The following CNST variants were observed in gnomAD, a reference collection of about 807,000 sequenced individuals.
CNST encodes consortin.
CNST carries 39 observed loss-of-function variants against 72.4 expected under a neutral mutation model. The observed-to-expected ratio is 0.54, with a 90% confidence interval of 0.42 to 0.70. CNST has a LOEUF of 0.70. Ranked by LOEUF, CNST falls within the 30% of genes least tolerant of loss-of-function variation. CNST has a pLI of 0.00. For synonymous variants in CNST, 332 were observed against 320.1 expected (o/e 1.04, Z -0.40); for missense variants, 871 against 868.5 (o/e 1.00, Z -0.04).
chr1:246,646,360 C>T (rs2103131117), intron 8 of CNST, among the ~76,000 whole-genome samples: 1 of 151,466 alleles, frequency 6.6e-6, no homozygotes, highest in East Asian at 1.9e-4. Context: ...TTGAAGAGAA[C>T]CGAGTTTGTT....
At chr1:246,599,735 A>G (rs963984024) in intron 2 of CNST, among the ~76,000 whole-genome samples, 1 of 152,224 alleles carries the variant, frequency 6.6e-6, no homozygotes, top group South Asian at 2.1e-4. Context: ...GGGAGCTGTT[A>G]TTCTGCCTAC....
chr1:246,634,816 C>T (rs1447315516), intron 6 of CNST, among the ~76,000 whole-genome samples: 1 of 152,216 alleles, frequency 6.6e-6, no homozygotes, highest in Non-Finnish European at 1.5e-5. Context: ...TGGGTGCAGA[C>T]GGGCTGAGGC....
chr1:246,566,815 C>A (rs976870969), intron 1 of CNST, 152 bp downstream of exon 1: 7 of 397,208 alleles, frequency 1.8e-5, no homozygotes, highest in African/African-American at 4.1e-5. Context: ...GTCCCCTTAC[C>A]TCCTCCGCCT....
rs764815293 is a variant in CNST, at chr1:246,648,059, A to G, written c.1836+22A>G. On this transcript the variant is annotated intron_variant, in intron 9 of 10. Transcript: ENST00000366513. ...AGAGGTAAATCAGAGATGAAGTACA[A>G]TTAAAAGTAAAATGGCATTTAAAAA... 17 of 1,570,600 alleles carry G rather than the reference A, an allele frequency of 1.1e-5. No homozygotes were observed. In the Admixed American group the frequency reaches 2.2e-4, roughly 20 times the overall value.
intron 1 of CNST, among the ~76,000 whole-genome samples, chr1:246,584,509 T>A (rs890900540): frequency 6.6e-6 from 1 of 152,044 alleles, no homozygotes; most frequent in African/African-American, 2.4e-5. Context: ...ATGAAAAAAA[T>A]TCCAGCGTAG....
At chr1:246,641,612 G>A in intron 6 of CNST, 137 bp from the exon 7 acceptor site, 1 of 610,564 alleles carries the variant, frequency 1.6e-6, no homozygotes, top group Non-Finnish European at 2.9e-6. Flanking sequence ...TAATGTTTCA[G>A]CCGTGGAAAT....
intron 2 of CNST, among the ~76,000 whole-genome samples, chr1:246,599,273 C>T (rs1295908063): frequency 6.6e-6 from 1 of 151,904 alleles, no homozygotes; most frequent in Non-Finnish European, 1.5e-5. Flanking sequence ...GCTTTAAACA[C>T]ACGACAACAC....
chr1:246,665,595 G>A, intron 10 of CNST, 105 bp from the exon 11 acceptor site: 1 of 916,330 alleles, frequency 1.1e-6, no homozygotes, highest in East Asian at 2.4e-5. Flanking sequence ...ATCCGTAGAG[G>A]ACCAACAGTA....
At chr1:246,634,120 ATAAACAAGT>A in intron 5 of CNST, 110 bp downstream of exon 5, 2 of 738,090 alleles carry the variant, frequency 2.7e-6, no homozygotes, top group Non-Finnish European at 4.7e-6. Context: ...AGATGTTTCC[ATAAACAAGT>A]TAATGTTGCA....
chr1:246,599,121 C>A (rs1662088409), intron 2 of CNST, among the ~76,000 whole-genome samples: 3 of 145,566 alleles, frequency 2.1e-5, no homozygotes, highest in South Asian at 4.5e-4. Context: ...TATATAGAGT[C>A]AAATAATTTC....
chr1:246,618,953 T>G (rs1247709604), intron 2 of CNST, among the ~76,000 whole-genome samples: 2 of 152,196 alleles, frequency 1.3e-5, no homozygotes, highest in Non-Finnish European at 2.9e-5. Context: ...GCAATAGTCT[T>G]CAAGGGTTTT....
chr1:246,582,294 C>T (rs1660836265), intron 1 of CNST, among the ~76,000 whole-genome samples: 1 of 151,980 alleles, frequency 6.6e-6, no homozygotes, highest in African/African-American at 2.4e-5. Flanking sequence ...GAGGTGGGTT[C>T]ATAACTGTCT....
At chr1:246,639,472 C>T (rs1033640754) in intron 6 of CNST, among the ~76,000 whole-genome samples, 6 of 152,094 alleles carry the variant, frequency 3.9e-5, no homozygotes, top group East Asian at 1.9e-4. Context: ...TGTGAGCCCT[C>T]GGGTTTGCAG....
chr1:246,608,133 A>G (rs1332710240), intron 2 of CNST: 1 of 152,168 alleles, frequency 6.6e-6, no homozygotes, highest in Non-Finnish European at 1.5e-5. Context: ...CCAGCCTGGA[A>G]AACATAGAGA....
At chr1:246,619,738 T>G (rs924427643) in intron 2 of CNST, among the ~76,000 whole-genome samples, 2 of 152,270 alleles carry the variant, frequency 1.3e-5, no homozygotes, top group Non-Finnish European at 2.9e-5. Context: ...AGATGAAGAA[T>G]GGACCAGTCT....
intron 4 of CNST, among the ~76,000 whole-genome samples, chr1:246,632,950 G>A (rs1664869924): frequency 6.6e-6 from 1 of 152,166 alleles, no homozygotes; most frequent in Non-Finnish European, 1.5e-5. Context: ...TTCTTTGACA[G>A]AAAGTAAGGA....
At chr1:246,585,380 C>T (rs796919576) in intron 1 of CNST, among the ~76,000 whole-genome samples, 1 of 152,240 alleles carries the variant, frequency 6.6e-6, no homozygotes, top group African/African-American at 2.4e-5. Flanking sequence ...CAGGTGCTGG[C>T]TCACATCTGT....
At chr1:246,629,951 C>T (rs1256763662) in intron 3 of CNST, among the ~76,000 whole-genome samples, 2 of 152,172 alleles carry the variant, frequency 1.3e-5, no homozygotes, top group African/African-American at 2.4e-5. Context: ...AAGCTGGTGT[C>T]GAACTCCTGA....
chr1:246,647,699 C>G lies in CNST; in HGVS notation c.1498C>G (p.Gln500Glu). The stretch of plus-strand genomic sequence containing the variant: ...CAGTGATGGAAAATCACCACAGGCG[C>G]AGGCTGACTCAGACGGTTCTGAGAA... ...TDSDGKSPQA[Q>E]ADSDGSENVL... The change falls in exon 9 of 11, where the codon CAG becomes GAG. Residue 500 changes from glutamine (Q) to glutamate (E), a missense_variant. Coordinates refer to ENST00000366513, the MANE Select transcript of CNST (RefSeq NM_152609.3). 1 of 1,614,156 alleles carries G rather than the reference C, an allele frequency of 6.2e-7. No homozygotes were observed. Among genetic ancestry groups the G allele is most frequent in the Non-Finnish European group, 8.5e-7 (1 of 1,180,034 alleles).
Sources: allele counts gnomAD v4.1 joint callset (sites outside exome capture counted in the v4.1 genomes callset), GRCh38; gene constraint gnomAD v4.1.1; transcripts MANE v1.5; gene names NCBI Gene and HGNC (gene_info 2026-07-23, HGNC 2026-07-21).